CAMSAP1: variants seen among roughly 807,000 people sequenced by gnomAD.
CAMSAP1 encodes calmodulin-regulated spectrin-associated protein 1.
In CAMSAP1, 58 loss-of-function variants were observed where a neutral mutation model predicts 143.5. That is an observed-to-expected ratio of 0.40 (90% CI 0.33 to 0.50). The LOEUF is 0.50. CAMSAP1 is among the 20% of genes least tolerant of loss of function. CAMSAP1 has a pLI of 0.45. For missense variants in CAMSAP1, 1,969 were observed against 2,115.7 expected (o/e 0.93, Z 1.36); for synonymous variants, 945 against 859.3 (o/e 1.10, Z -1.74).
intron 7 of CAMSAP1, among the ~76,000 whole-genome samples, chr9:135,845,766 A>C (rs911439989): frequency 6.6e-6 from 1 of 152,216 alleles, no homozygotes; most frequent in African/African-American, 2.4e-5. Flanking sequence ...CTCATTCACA[A>C]CTGCTACAAA....
intron 1 of CAMSAP1, among the ~76,000 whole-genome samples, chr9:135,892,848 C>CAAAAA (rs59978082): frequency 0.022 from 918 of 41,964 alleles, 80 homozygotes; most frequent in East Asian, 0.066. Context: ...AAGACTGTCT[C>CAAAAA]AAAAAAAAAA....
intron 1 of CAMSAP1, among the ~76,000 whole-genome samples, chr9:135,906,684 G>A (rs1838787876): frequency 6.6e-6 from 1 of 152,018 alleles, no homozygotes; most frequent in South Asian, 2.1e-4. Context: ...CCCTCCCTGC[G>A]CCCAGAACCG....
Position 135,907,097 on chromosome 9 carries a change from G to T in CAMSAP1, c.63C>A (p.Asp21Glu). 2 of 1,145,058 alleles carry T rather than the reference G, an allele frequency of 1.7e-6. No homozygotes were observed. The highest frequency in any genetic ancestry group is 3.3e-5 in the South Asian group (1 of 30,436). The allele number at this position is 1,145,058 out of a possible 1,614,324, so 70.9% of individuals were successfully genotyped here. Reference protein sequence around the residue: ...EGWRKMEAPPDGAADLVPLDR... With the variant: ...EGWRKMEAPPEGAADLVPLDR... Reference sequence around the variant, plus strand: ...CCAGGGGCACGAGGTCGGCGGCGCCGTCCGGCGGGGCCTCCATCTTCCTCC... The same window carrying T: ...CCAGGGGCACGAGGTCGGCGGCGCCTTCCGGCGGGGCCTCCATCTTCCTCC... Residue 21 changes from aspartate (D) to glutamate (E), a missense_variant, in exon 1 of 17, where the codon GAC becomes GAA. Asp to Glu is a conservative substitution (Grantham distance 45, BLOSUM62 2). Transcript: ENST00000389532.
At chr9:135,848,250 C>T (rs900223906) in intron 7 of CAMSAP1, among the ~76,000 whole-genome samples, 1 of 151,818 alleles carries the variant, frequency 6.6e-6, no homozygotes, top group Non-Finnish European at 1.5e-5. Context: ...TCAAGGTCAC[C>T]CGTGAGGAAG....
chr9:135,867,469 A>AACCCC (rs1837417741), intron 3 of CAMSAP1, among the ~76,000 whole-genome samples: 1 of 123,606 alleles, frequency 8.1e-6, no homozygotes, highest in Non-Finnish European at 1.9e-5. Context: ...ACACAGCAAG[A>AACCCC]CCCCCCTCTT....
Position 135,855,748 on chromosome 9 carries a change from T to TAA in CAMSAP1, c.809-5289_809-5288dup, listed in dbSNP as rs34874470. ...GACTAAGGGAGACTTCATCTCAATT[T>TAA]AAAAAAAAAAAAAAAAAAAAAAGGC... On this transcript the variant is annotated intron_variant, in intron 5 of 16. Transcript: ENST00000389532. Among the ~76,000 whole-genome samples the TAA allele has an allele frequency of 9.2e-3, 775 of 84,694 alleles. 4 individuals carry two copies. Among genetic ancestry groups the TAA allele is most frequent in the Non-Finnish European group, 0.013 (564 of 42,690 alleles). The allele number at this position is 84,694 out of a possible 152,430, so 55.6% of individuals were successfully genotyped here.
chr9:135,881,884 G>T, intron 2 of CAMSAP1, 90 bp from the exon 3 acceptor site: 1 of 1,456,790 alleles, frequency 6.9e-7, no homozygotes, highest in Admixed American at 2.1e-5. Flanking sequence ...CAGCATTCTG[G>T]CCTAATTTCT....
In CAMSAP1 at chr9:135,822,493, G is replaced by C; in HGVS notation, c.2168C>G (p.Pro723Arg). ...CCACGGCTCTGAATCGTGGGAGTTGGGGCTTTTTGAACAACTAACATATAA... is the reference window on the plus strand; with the variant it reads ...CCACGGCTCTGAATCGTGGGAGTTGCGGCTTTTTGAACAACTAACATATAA... ...GRLYVSCSKS[P>R]NSHDSEPWTL... The change falls in exon 11 of 17, where the codon CCC becomes CGC. Residue 723 changes from proline to arginine, a missense_variant. Coordinates refer to ENST00000389532, the MANE Select transcript of CAMSAP1 (RefSeq NM_015447.4). The surrounding 1 kb of genome is among the most constrained non-coding windows in gnomAD (Gnocchi z 6.1). The C allele has an allele frequency of 6.2e-7, 1 of 1,613,876 alleles. No individual in the cohort carries two copies. The highest frequency in any genetic ancestry group is 8.5e-7 in the Non-Finnish European group (1 of 1,179,886).
At chr9:135,828,927 A>C (rs753019344) in intron 7 of CAMSAP1, among the ~76,000 whole-genome samples, 6 of 152,042 alleles carry the variant, frequency 3.9e-5, no homozygotes, top group Non-Finnish European at 8.8e-5. Context: ...ACGGGAAAAA[A>C]CCCCAACCAA....
intron 5 of CAMSAP1, among the ~76,000 whole-genome samples, chr9:135,851,610 ACT>A (rs1266593799): frequency 3.9e-5 from 6 of 152,164 alleles, no homozygotes; most frequent in Admixed American, 2.6e-4. Flanking sequence ...TATTCTACAC[ACT>A]GTCTGCATCC....
At chr9:135,844,594 G>C (rs1012233136) in intron 7 of CAMSAP1, among the ~76,000 whole-genome samples, 3 of 151,956 alleles carry the variant, frequency 2.0e-5, no homozygotes, top group Non-Finnish European at 2.9e-5. Flanking sequence ...CTGGTTTTTT[G>C]AAACGATTAA....
chr9:135,836,699 T>A, intron 7 of CAMSAP1: 1 of 969,954 alleles, frequency 1.0e-6, no homozygotes, highest in Non-Finnish European at 1.2e-6. Context: ...ACTTCTACCC[T>A]GTTCTACAGA....
At position 135,907,047 on chromosome 9, in the gene CAMSAP1, T is replaced by C; in HGVS notation, c.113A>G (p.Lys38Arg). 1 of 1,202,554 alleles carries C rather than the reference T, an allele frequency of 8.3e-7. No individual in the cohort carries two copies. Among genetic ancestry groups the C allele is most frequent in the Non-Finnish European group, 1.0e-6 (1 of 956,552 alleles). The allele number at this position is 1,202,554 out of a possible 1,614,324, so 74.5% of individuals were successfully genotyped here. ...GATCCACTGCAGGTTGGCGGCGATC[T>C]TGGCGCGCGCCGCGTCGTAGCGGTC... is the stretch of plus-strand genomic sequence containing the variant. ...PLDRYDAARA[K>R]IAANLQWICA... Residue 38 changes from lysine to arginine, a missense_variant, in exon 1 of 17, where the codon AAG (lysine) becomes AGG (arginine). Coordinates refer to ENST00000389532, the MANE Select transcript of CAMSAP1 (RefSeq NM_015447.4).
At chr9:135,886,845 A>G (rs900878794) in intron 1 of CAMSAP1, among the ~76,000 whole-genome samples, 1 of 152,356 alleles carries the variant, frequency 6.6e-6, no homozygotes, top group Middle Eastern at 3.4e-3. Context: ...AGGCGTGAGC[A>G]GCAGGCCTGT....
chr9:135,818,975 G>A lies in CAMSAP1; in HGVS notation c.3959+35C>T, dbSNP rs773578690. ...GCCGCCAGGGACCCACCAGGCTCCTGCTCAGTCTGCTTTCCCCCCCGGCGG... is the reference window on the plus strand; with the variant it reads ...GCCGCCAGGGACCCACCAGGCTCCTACTCAGTCTGCTTTCCCCCCCGGCGG... On this transcript the variant is annotated intron_variant, in intron 12 of 16. Coordinates refer to ENST00000389532, the MANE Select transcript of CAMSAP1 (RefSeq NM_015447.4). The surrounding 1 kb of genome is among the most constrained non-coding windows in gnomAD (Gnocchi z 7.7). 1.9e-6 allele frequency: 3 copies of A among 1,598,038 alleles called. No individual in the cohort carries two copies. Among genetic ancestry groups the A allele is most frequent in the African/African-American group, 1.3e-5 (1 of 74,834 alleles).
intron 7 of CAMSAP1, among the ~76,000 whole-genome samples, chr9:135,832,800 GAACA>G (rs1181356849): frequency 2.0e-5 from 3 of 151,976 alleles, no homozygotes; most frequent in Non-Finnish European, 4.4e-5. Context: ...GCATCAAAAA[GAACA>G]AATACTTAGG....
chr9:135,814,054 G>C (rs954668393), intron 16 of CAMSAP1, among the ~76,000 whole-genome samples: 1 of 152,164 alleles, frequency 6.6e-6, no homozygotes, highest in African/African-American at 2.4e-5. Context: ...AGTCCTTCCA[G>C]TGCATCTCCG....
intron 1 of CAMSAP1, among the ~76,000 whole-genome samples, chr9:135,893,988 T>C (rs961607114): frequency 1.3e-5 from 2 of 152,140 alleles, no homozygotes; most frequent in African/African-American, 2.4e-5. Flanking sequence ...CAACAGGGTG[T>C]TCTTACGACC....
intron 1 of CAMSAP1, among the ~76,000 whole-genome samples, chr9:135,891,341 G>A (rs1838284559): frequency 2.0e-5 from 3 of 152,228 alleles, no homozygotes; most frequent in African/African-American, 2.4e-5. Context: ...GTTCCTCGGA[G>A]CCAGAAAGTG....
Sources: gnomAD v4.1 joint callset for allele counts (sites outside exome capture counted in the v4.1 genomes callset) on GRCh38, gnomAD v4.1.1 for gene constraint, Gnocchi (gnomAD v3.1) non-coding constraint, MANE v1.5 for transcripts, NCBI Gene and HGNC (gene_info 2026-07-23, HGNC 2026-07-21) for gene names.